RGS6: variants seen among roughly 807,000 people sequenced by gnomAD.
RGS6 encodes the protein regulator of G protein signaling 6.
In RGS6, 30 loss-of-function variants were observed where a neutral mutation model predicts 78.5. The observed-to-expected ratio is 0.38, with a 90% CI of 0.29 to 0.52. RGS6 has a LOEUF of 0.52. Among genes scored for constraint, RGS6 ranks in the 20% least tolerant of loss-of-function variants. The pLI, the probability that RGS6 is intolerant of heterozygous loss-of-function variation, is 0.85. For missense variants in RGS6, 495 were observed against 609.7 expected (o/e 0.81, Z 1.98); for synonymous variants, 206 against 206.0 (o/e 1.00, Z 0.00).
intron 2 of RGS6, among the ~76,000 whole-genome samples, chr14:72,342,725 C>CA (rs58717636): frequency 0.14 from 9,616 of 71,016 alleles, 663 homozygotes; most frequent in Non-Finnish European, 0.17. Context: ...GGCTTTGTCT[C>CA]AAAAAAAAAA....
intron 10 of RGS6, among the ~76,000 whole-genome samples, chr14:72,475,830 G>GCGCACACACACA (rs113920568): frequency 8.9e-5 from 13 of 145,606 alleles, no homozygotes; most frequent in Non-Finnish European, 1.6e-4. Flanking sequence ...AAAAATACAC[G>GCGCACACACACA]CACACACACA....
chr14:72,010,921 T>C, intron 2 of RGS6, among the ~76,000 whole-genome samples: 1 of 152,372 alleles, frequency 6.6e-6, no homozygotes, highest in East Asian at 1.9e-4. Context: ...GTGTTTCTGC[T>C]TTCTCTAGCC....
chr14:72,227,866 G>A (rs1170251996), intron 2 of RGS6, among the ~76,000 whole-genome samples: 2 of 152,136 alleles, frequency 1.3e-5, no homozygotes, highest in East Asian at 1.9e-4. Flanking sequence ...GAGCAAGCCA[G>A]ATACTTGACT....
In RGS6 at chr14:72,087,689, G is replaced by C. The variant is rs116596619; in HGVS notation, c.84+122814G>C. ...AGAATAGTGGTTATAGTTGGGGTGA[G>C]GTGAGCCCATGAGTAAATACTGGTA... On this transcript the variant is annotated intron_variant, in intron 2 of 17. Transcript: ENST00000553525. Among the ~76,000 whole-genome samples the C allele has an allele frequency of 4.5e-3, 679 of 151,902 alleles. 7 individuals carry two copies. The highest frequency in any genetic ancestry group is 0.016 in the African/African-American group (661 of 41,418).
intron 2 of RGS6, among the ~76,000 whole-genome samples, chr14:72,209,799 G>A (rs866235389): frequency 4.6e-5 from 7 of 152,126 alleles, no homozygotes; most frequent in Admixed American, 6.6e-5. Flanking sequence ...TAACTAATTC[G>A]TATTGTTTTA....
chr14:72,026,360 T>C (rs553410792), intron 2 of RGS6, among the ~76,000 whole-genome samples: 1 of 152,210 alleles, frequency 6.6e-6, no homozygotes, highest in East Asian at 1.9e-4. Flanking sequence ...TGAGCTGAGA[T>C]TGTGCCACTG....
At chr14:72,055,225 G>T (rs894542345) in intron 2 of RGS6, among the ~76,000 whole-genome samples, 1 of 152,034 alleles carries the variant, frequency 6.6e-6, no homozygotes, top group East Asian at 1.9e-4. Context: ...TTTCAGGGTC[G>T]CTATATCCAT....
intron 15 of RGS6, among the ~76,000 whole-genome samples, chr14:72,520,283 T>G (rs995765418): frequency 2.0e-5 from 3 of 152,254 alleles, no homozygotes; most frequent in Non-Finnish European, 2.9e-5. Flanking sequence ...TTCCAAGCTC[T>G]GGATTTTTCT....
rs370386049 is a variant in RGS6, at chr14:72,392,492, C to T, written c.184+40298C>T. On this transcript the variant is annotated intron_variant, in intron 3 of 17. Coordinates refer to ENST00000553525, the MANE Select transcript of RGS6 (RefSeq NM_001204424.2). ...GCTCCCATCATCACAGACATACACA[C>T]GCACCTGGCCCAAGAGTCACAGAAG... Among the ~76,000 whole-genome samples, 107 of 152,192 alleles carry T rather than the reference C, an allele frequency of 7.0e-4. 1 individual carries two copies. Among genetic ancestry groups the T allele is most frequent in the African/African-American group, 1.8e-3 (73 of 41,514 alleles).
intron 6 of RGS6, among the ~76,000 whole-genome samples, chr14:72,461,026 A>G (rs1444535265): frequency 6.6e-6 from 1 of 152,056 alleles, no homozygotes; most frequent in Non-Finnish European, 1.5e-5. Flanking sequence ...ATCCACAGGC[A>G]CCACTGTGGG....
the RGS6 span, among the ~76,000 whole-genome samples, chr14:71,878,470 G>T: frequency 1.3e-5 from 2 of 152,160 alleles, no homozygotes; most frequent in Admixed American, 1.3e-4. Context: ...CATGGGCGTG[G>T]GACCCTCCAA....
At chr14:72,514,345 T>A (rs1478206013) in intron 14 of RGS6, among the ~76,000 whole-genome samples, 1 of 152,212 alleles carries the variant, frequency 6.6e-6, no homozygotes. Flanking sequence ...TGAAAAGATA[T>A]GTAAACTGGT....
At chr14:72,159,081 ATTG>A (rs1341095473) in intron 2 of RGS6, among the ~76,000 whole-genome samples, 1 of 152,206 alleles carries the variant, frequency 6.6e-6, no homozygotes, top group Non-Finnish European at 1.5e-5. Flanking sequence ...GTTAGCTGCT[ATTG>A]TTGTTGTTAA....
At chr14:72,448,598 A>G (rs1439010519) in intron 3 of RGS6, among the ~76,000 whole-genome samples, 3 of 152,194 alleles carry the variant, frequency 2.0e-5, no homozygotes, top group Admixed American at 2.0e-4. Flanking sequence ...TATTTACAAC[A>G]TAGGATTAGT....
intron 2 of RGS6, among the ~76,000 whole-genome samples, chr14:72,133,534 T>C (rs2096373399): frequency 6.6e-6 from 1 of 152,238 alleles, no homozygotes; most frequent in East Asian, 1.9e-4. Context: ...GGCTTCCCTT[T>C]CCCCAGACTT....
the RGS6 span, among the ~76,000 whole-genome samples, chr14:71,915,326 A>C: frequency 1.3e-5 from 2 of 151,828 alleles, no homozygotes; most frequent in Non-Finnish European, 2.9e-5. Context: ...TGTCAGGTAA[A>C]CCTTTCCCCA....
At chr14:72,260,465 C>T (rs2057947050) in intron 2 of RGS6, among the ~76,000 whole-genome samples, 1 of 152,142 alleles carries the variant, frequency 6.6e-6, no homozygotes, top group African/African-American at 2.4e-5. Context: ...TTGTGGCCAC[C>T]AGCCACCATC....
At chr14:71,911,898 GC>G in the RGS6 span, among the ~76,000 whole-genome samples, 5 of 152,198 alleles carry the variant, frequency 3.3e-5, no homozygotes, top group Non-Finnish European at 7.3e-5. Flanking sequence ...TATAGGAGGA[GC>G]TATGAATATT....
the RGS6 span, among the ~76,000 whole-genome samples, chr14:71,899,675 G>A: frequency 6.6e-6 from 1 of 152,180 alleles, no homozygotes; most frequent in Non-Finnish European, 1.5e-5. Context: ...CTGGTAACTT[G>A]AGACTTACTA....
Sources: allele counts gnomAD v4.1 joint callset (sites outside exome capture counted in the v4.1 genomes callset), GRCh38; gene constraint gnomAD v4.1.1; transcripts MANE v1.5; gene names NCBI Gene and HGNC (gene_info 2026-07-23, HGNC 2026-07-21).